CLSTN2: variants seen among roughly 807,000 people sequenced by gnomAD.
CLSTN2 encodes calsyntenin 2, also known as calsyntenin-2.
CLSTN2 carries 48 observed loss-of-function variants against 101.2 expected under a neutral mutation model. The ratio of observed to expected loss-of-function variants is 0.47; its 90% CI spans 0.38 to 0.60. CLSTN2 has a LOEUF of 0.60. CLSTN2 is among the 20% of genes least tolerant of loss of function. CLSTN2 has a pLI of 0.00. For synonymous variants in CLSTN2, 481 were observed against 463.6 expected, an observed-to-expected ratio of 1.04 and a Z score of -0.48; for missense variants, 1,160 against 1,238.2, an observed-to-expected ratio of 0.94 and a Z score of 0.95.
At chr3:140,500,921 TATAA>T (rs532638367) in intron 8 of CLSTN2, among the ~76,000 whole-genome samples, 11 of 152,166 alleles carry the variant, frequency 7.2e-5, no homozygotes, top group Middle Eastern at 3.4e-3. Context: ...AGAAATGGAG[TATAA>T]ATAAATAAAT....
chr3:140,046,540 A>C (rs1033400700), intron 1 of CLSTN2, among the ~76,000 whole-genome samples: 4 of 152,170 alleles, frequency 2.6e-5, no homozygotes, highest in Admixed American at 2.6e-4. Flanking sequence ...TCATGTGTGA[A>C]TTTGATCCTG....
chr3:140,434,089 C>T (rs1194610647), intron 5 of CLSTN2, among the ~76,000 whole-genome samples: 1 of 152,196 alleles, frequency 6.6e-6, no homozygotes, highest in Non-Finnish European at 1.5e-5. Flanking sequence ...ACAAGCCATA[C>T]TTGGATTCTC....
At chr3:140,044,064 A>C (rs1188052607) in intron 1 of CLSTN2, among the ~76,000 whole-genome samples, 1 of 152,208 alleles carries the variant, frequency 6.6e-6, no homozygotes, top group African/African-American at 2.4e-5. Flanking sequence ...AATTCTGTGA[A>C]GAAAGTCATT....
chr3:140,318,011 C>A (rs930005043), intron 2 of CLSTN2, among the ~76,000 whole-genome samples: 1 of 152,214 alleles, frequency 6.6e-6, no homozygotes, highest in Non-Finnish European at 1.5e-5. Flanking sequence ...CACATTACCG[C>A]TGTATGGGGT....
At chr3:140,531,890 C>A (rs1043350731) in intron 8 of CLSTN2, among the ~76,000 whole-genome samples, 3 of 152,178 alleles carry the variant, frequency 2.0e-5, no homozygotes, top group African/African-American at 7.2e-5. Context: ...AAGTGAGATC[C>A]TTGGTTCCTG....
At chr3:140,155,141 T>C (rs1363773356) in intron 1 of CLSTN2, among the ~76,000 whole-genome samples, 1 of 152,152 alleles carries the variant, frequency 6.6e-6, no homozygotes, top group African/African-American at 2.4e-5. Context: ...GCTATTACTC[T>C]GGCAGCTCCG....
intron 2 of CLSTN2, among the ~76,000 whole-genome samples, chr3:140,204,983 A>G (rs186482395): frequency 2.0e-3 from 304 of 152,244 alleles, no homozygotes; most frequent in African/African-American, 6.7e-3. Flanking sequence ...CTCAAATATG[A>G]AAGGGAGTTG....
At position 140,448,571 on chromosome 3, in the gene CLSTN2, C is replaced by G; in HGVS notation, c.840C>G (p.Phe280Leu). 6.2e-7 allele frequency: 1 copy of G among 1,614,076 alleles called. No homozygotes were observed. The highest frequency in any genetic ancestry group is 8.5e-7 in the Non-Finnish European group (1 of 1,179,978). ...YQPGSGSMPL[F>L]PSIHLETCDG... The stretch of plus-strand genomic sequence containing the variant: ...CTGGCTCCGGGAGCATGCCCCTGTT[C>G]CCCAGCATCCACCTGGAGACGTGCG... The change falls in exon 6 of 17, where the codon TTC becomes TTG. Residue 280 changes from phenylalanine (F) to leucine (L), a missense_variant. Transcript: ENST00000458420.
chr3:140,033,729 T>C (rs1296469884), intron 1 of CLSTN2, among the ~76,000 whole-genome samples: 1 of 152,240 alleles, frequency 6.6e-6, no homozygotes, highest in Non-Finnish European at 1.5e-5. Flanking sequence ...AATTGTGCTT[T>C]ATGTAAGTGC....
At chr3:140,485,373 G>T (rs948542569) in intron 8 of CLSTN2, among the ~76,000 whole-genome samples, 1 of 152,210 alleles carries the variant, frequency 6.6e-6, no homozygotes, top group South Asian at 2.1e-4. Context: ...CCTACTAGGG[G>T]GTGCCTCCCA....
chr3:140,231,042 T>C (rs763659120), intron 2 of CLSTN2, among the ~76,000 whole-genome samples: 12 of 152,216 alleles, frequency 7.9e-5, no homozygotes, highest in Non-Finnish European at 1.2e-4. Flanking sequence ...ATAAGTCAAC[T>C]ATTTCTTCAC....
chr3:140,101,126 A>G (rs1576427065), intron 1 of CLSTN2, among the ~76,000 whole-genome samples: 2 of 152,134 alleles, frequency 1.3e-5, no homozygotes, highest in Non-Finnish European at 2.9e-5. Flanking sequence ...TATTTGTAAA[A>G]TGTGGTTGAT....
intron 1 of CLSTN2, among the ~76,000 whole-genome samples, chr3:139,974,675 GA>G (rs1249702289): frequency 1.3e-5 from 2 of 152,236 alleles, no homozygotes; most frequent in Non-Finnish European, 2.9e-5. Context: ...TCCCTGTTAA[GA>G]GGTAGAAATG....
At chr3:139,976,445 A>G (rs1478884511) in intron 1 of CLSTN2, among the ~76,000 whole-genome samples, 1 of 152,242 alleles carries the variant, frequency 6.6e-6, no homozygotes, top group African/African-American at 2.4e-5. Flanking sequence ...CATCAAACAA[A>G]GTGGGAAGTA....
At chr3:140,112,425 T>C (rs1277401866) in intron 1 of CLSTN2, among the ~76,000 whole-genome samples, 1 of 152,136 alleles carries the variant, frequency 6.6e-6, no homozygotes, top group Non-Finnish European at 1.5e-5. Context: ...CCATAGAATA[T>C]GCATTTTTAA....
rs61470110 is a variant in CLSTN2 at position 140,576,438 on chromosome 3, G to C, written c.*10185G>C. On this transcript the variant is annotated 3_prime_UTR_variant, in exon 17 of 17. Transcript: ENST00000458420. ...GGCATGATTTTGTAACCAATGTAAA[G>C]GTTCTGGGTTCAGCCAGTCTAAAAA... is the stretch of plus-strand genomic sequence containing the variant. 1.3e-5 allele frequency: 2 copies of C among 152,310 alleles called. No individual in the cohort carries two copies. The highest frequency in any genetic ancestry group is 2.9e-5 in the Non-Finnish European group (2 of 68,038). The allele number at this position is 152,310 out of a possible 1,614,324, so 9.4% of individuals were successfully genotyped here. A position where few individuals can be genotyped will look rare whatever the true frequency, so the allele number is the denominator to read the frequency against.
intron 1 of CLSTN2, among the ~76,000 whole-genome samples, chr3:140,011,108 A>G (rs995427624): frequency 5.3e-5 from 8 of 152,176 alleles, no homozygotes; most frequent in African/African-American, 1.9e-4. Context: ...TTGCTTCCAC[A>G]GGCCCTCCTG....
chr3:140,481,569 C>T (rs896452485), intron 8 of CLSTN2, among the ~76,000 whole-genome samples: 3 of 152,178 alleles, frequency 2.0e-5, no homozygotes, highest in Non-Finnish European at 4.4e-5. Context: ...ATTGATTCTT[C>T]CTACCCATGA....
chr3:140,108,055 T>C (rs576799691), intron 1 of CLSTN2, among the ~76,000 whole-genome samples: 13 of 152,270 alleles, frequency 8.5e-5, no homozygotes, highest in African/African-American at 3.1e-4. Context: ...AAGAGTGGCC[T>C]GTTGTGTTCT....
Sources: gnomAD v4.1 joint callset for allele counts (sites outside exome capture counted in the v4.1 genomes callset) on GRCh38, gnomAD v4.1.1 for gene constraint, MANE v1.5 for transcripts, NCBI Gene and HGNC (gene_info 2026-07-23, HGNC 2026-07-21) for gene names.